The following MGMT variants were observed in gnomAD, a reference collection of about 807,000 sequenced individuals.
MGMT encodes O-6-methylguanine-DNA methyltransferase.
Under a neutral mutation model 15.9 loss-of-function variants are expected in MGMT, and 14 were observed. That is an observed-to-expected ratio of 0.88 (90% CI 0.58 to 1.37). MGMT has a LOEUF of 1.37. MGMT is among the 40% of genes most tolerant of loss of function. MGMT has a pLI of 0.00. For missense variants in MGMT, 282 were observed against 268.1 expected (o/e 1.05, Z -0.36); for synonymous variants, 130 against 118.2 (o/e 1.10, Z -0.65).
chr10:129,532,677 G>T lies in MGMT; in HGVS notation c.-12-3564G>T, dbSNP rs2119751905. 6.6e-6 allele frequency among the ~76,000 whole-genome samples: 1 copy of T among 152,230 alleles called. No individual in the cohort carries two copies. Among genetic ancestry groups the T allele is most frequent in the East Asian group, 1.9e-4 (1 of 5,148 alleles). ...CGCTTGGATTGGGGGTGAACTCGAG[G>T]TGTGGTCTGTGCAGAATGGCGTGAC... On this transcript the variant is annotated intron_variant, in intron 1 of 4. Coordinates refer to ENST00000651593, the MANE Select transcript of MGMT (RefSeq NM_002412.5). The surrounding 1 kb of genome is among the most constrained non-coding windows in gnomAD (Gnocchi z 5.3).
intron 2 of MGMT, among the ~76,000 whole-genome samples, chr10:129,660,889 T>A (rs184769142): frequency 6.6e-6 from 1 of 152,316 alleles, no homozygotes; most frequent in East Asian, 1.9e-4. Context: ...ACATTGTTTT[T>A]CCTTTCTTTG....
intron 2 of MGMT, among the ~76,000 whole-genome samples, chr10:129,651,156 C>A (rs1425776354): frequency 6.6e-6 from 1 of 152,202 alleles, no homozygotes; most frequent in Non-Finnish European, 1.5e-5. Context: ...TCGGCATGCT[C>A]CCTGCAGCCC....
intron 1 of MGMT, among the ~76,000 whole-genome samples, chr10:129,482,043 T>C (rs1282087974): frequency 6.6e-6 from 1 of 152,216 alleles, no homozygotes; most frequent in African/African-American, 2.4e-5. Context: ...CATTTAATGC[T>C]AAAAATTCTC....
At chr10:129,733,024 G>A (rs1303997571) in intron 3 of MGMT, among the ~76,000 whole-genome samples, 3 of 151,714 alleles carry the variant, frequency 2.0e-5, no homozygotes, top group Admixed American at 1.3e-4. Context: ...ACATACGTGT[G>A]CACGTGTCTT....
At chr10:129,572,371 G>C (rs968820571) in intron 2 of MGMT, among the ~76,000 whole-genome samples, 9 of 152,116 alleles carry the variant, frequency 5.9e-5, no homozygotes, top group African/African-American at 2.2e-4. Flanking sequence ...TTTCAAACAG[G>C]TTATAGTTCA....
chr10:129,760,949 G>T (rs3793906), intron 4 of MGMT, among the ~76,000 whole-genome samples: 58,229 of 151,952 alleles, frequency 0.38, 11,656 homozygotes, highest in Admixed American at 0.51. Flanking sequence ...TCTGCACCAC[G>T]CAGTAGGGAT....
At chr10:129,706,986 G>A (rs569148968) in intron 2 of MGMT, among the ~76,000 whole-genome samples, 36 of 152,248 alleles carry the variant, frequency 2.4e-4, no homozygotes, top group Middle Eastern at 6.8e-3. Flanking sequence ...CAAGAGGGCC[G>A]CGCAGTAGCT....
chr10:129,488,632 A>C (rs187630706), intron 1 of MGMT, among the ~76,000 whole-genome samples: 3 of 152,282 alleles, frequency 2.0e-5, no homozygotes, highest in Admixed American at 1.3e-4. Context: ...GTCTCGTTTC[A>C]AAGTGCTTCC....
At chr10:129,588,096 G>A (rs1846638429) in intron 2 of MGMT, among the ~76,000 whole-genome samples, 2 of 152,154 alleles carry the variant, frequency 1.3e-5, no homozygotes, top group African/African-American at 2.4e-5. Context: ...CACAACCAAG[G>A]CAGGATTGTA....
At chr10:129,753,871 G>T (rs1848776572) in intron 3 of MGMT, among the ~76,000 whole-genome samples, 1 of 152,092 alleles carries the variant, frequency 6.6e-6, no homozygotes, top group Non-Finnish European at 1.5e-5. Flanking sequence ...TGGTCATTTT[G>T]AATATTATGA....
intron 2 of MGMT, among the ~76,000 whole-genome samples, chr10:129,604,167 A>G (rs1305892777): frequency 2.0e-5 from 3 of 152,140 alleles, no homozygotes; most frequent in Non-Finnish European, 2.9e-5. Context: ...CCTTGTTTGC[A>G]TGATTTACCA....
At chr10:129,560,796 C>T (rs984330826) in intron 2 of MGMT, among the ~76,000 whole-genome samples, 1 of 152,080 alleles carries the variant, frequency 6.6e-6, no homozygotes. Context: ...ACAATATTGT[C>T]GGGTGAAATT....
chr10:129,536,203 T>TA (rs1564845357), intron 1 of MGMT, 38 bp from the exon 2 acceptor site: 7 of 1,610,394 alleles, frequency 4.3e-6, no homozygotes, highest in Non-Finnish European at 5.1e-6. Flanking sequence ...ACCAGCCTCT[T>TA]ACCTATACAC....
intron 1 of MGMT, among the ~76,000 whole-genome samples, chr10:129,517,128 A>G (rs1304742898): frequency 2.0e-5 from 3 of 152,156 alleles, no homozygotes; most frequent in Non-Finnish European, 4.4e-5. Context: ...CCTTAGGGAC[A>G]CCTTAGAATG....
At chr10:129,755,399 C>T (rs957467966) in intron 3 of MGMT, among the ~76,000 whole-genome samples, 2 of 152,242 alleles carry the variant, frequency 1.3e-5, no homozygotes, top group Non-Finnish European at 2.9e-5. Flanking sequence ...CTCTCTGTTG[C>T]TCTTTGTTGG....
intron 2 of MGMT, among the ~76,000 whole-genome samples, chr10:129,578,629 G>T (rs917278509): frequency 6.6e-6 from 1 of 152,142 alleles, no homozygotes; most frequent in Non-Finnish European, 1.5e-5. Context: ...ACATGTATAT[G>T]TATGTAAGAA....
chr10:129,764,947 G>A (rs901380831), intron 4 of MGMT, among the ~76,000 whole-genome samples: 7 of 152,118 alleles, frequency 4.6e-5, no homozygotes, highest in Non-Finnish European at 1.0e-4. Flanking sequence ...GGGCCAGGCA[G>A]TAAGCGATCG....
intron 1 of MGMT, among the ~76,000 whole-genome samples, chr10:129,469,057 G>A (rs1307273376): frequency 1.3e-5 from 2 of 152,132 alleles, no homozygotes; most frequent in Non-Finnish European, 2.9e-5. Context: ...GTCTTACTTT[G>A]ATATCACCTG....
chr10:129,725,249 G>A (rs929142745), intron 3 of MGMT, among the ~76,000 whole-genome samples: 4 of 152,204 alleles, frequency 2.6e-5, no homozygotes, highest in African/African-American at 7.2e-5. Context: ...CACAGCCCAG[G>A]CAGCTGCTCT....
Sources: allele counts gnomAD v4.1 joint callset (sites outside exome capture counted in the v4.1 genomes callset), GRCh38; gene constraint gnomAD v4.1.1; non-coding constraint Gnocchi (gnomAD v3.1); transcripts MANE v1.5; gene names NCBI Gene and HGNC (gene_info 2026-07-23, HGNC 2026-07-21).